The following ZC3H3 variants were observed in gnomAD, a reference collection of about 807,000 sequenced individuals.
ZC3H3 encodes the protein zinc finger CCCH domain-containing protein 3.
In ZC3H3, 36 loss-of-function variants were observed where a neutral mutation model predicts 77.3. The observed-to-expected ratio is 0.47, with a 90% CI of 0.36 to 0.61. The LOEUF (loss-of-function observed/expected upper bound fraction) is 0.61. ZC3H3 is among the 20% of genes least tolerant of loss of function. The probability of loss-of-function intolerance (pLI) is 0.00; values close to 1 mark genes in which losing one functional copy is unlikely to be tolerated. For missense variants in ZC3H3, 1,331 were observed against 1,312.2 expected (o/e 1.01, Z -0.22); for synonymous variants, 626 against 555.2 (o/e 1.13, Z -1.79).
At position 143,533,020 on chromosome 8, in the gene ZC3H3, TC is replaced by T. The variant is rs910403100; in HGVS notation, c.1561+3236del. Among the ~76,000 whole-genome samples the T allele has an allele frequency of 6.6e-6, 1 of 152,094 alleles. No homozygotes were observed. The highest frequency in any genetic ancestry group is 2.4e-5 in the African/African-American group (1 of 41,406). On this transcript the variant is annotated intron_variant, in intron 3 of 11. Coordinates refer to ENST00000262577, the MANE Select transcript of ZC3H3 (RefSeq NM_015117.3). The surrounding 1 kb of genome is among the most constrained non-coding windows in gnomAD (Gnocchi z 4.0). ...GCTCCTTGGCCTGGCGTCAGTGGCC[TC>T]ACGCACAGGTCCTCCCGACTCTGCC...
intron 4 of ZC3H3, among the ~76,000 whole-genome samples, chr8:143,483,058 G>A (rs549654604): frequency 1.1e-4 from 17 of 152,334 alleles, no homozygotes; most frequent in South Asian, 8.3e-4. Context: ...GAAAACAACC[G>A]GAGAAGCATT....
chr8:143,489,170 C>A (rs1296493951), intron 4 of ZC3H3, among the ~76,000 whole-genome samples: 1 of 152,246 alleles, frequency 6.6e-6, no homozygotes, highest in Non-Finnish European at 1.5e-5. Context: ...TCATTGCCTG[C>A]AGGGAGCCTT....
At chr8:143,439,106 T>TAA (rs568475106) in intron 11 of ZC3H3, among the ~76,000 whole-genome samples, 9 of 142,248 alleles carry the variant, frequency 6.3e-5, no homozygotes, top group African/African-American at 2.1e-4. Flanking sequence ...TTCCTGATCT[T>TAA]AAAAAAAAAA....
chr8:143,528,328 G>A (rs1052629856), intron 3 of ZC3H3, among the ~76,000 whole-genome samples: 11 of 152,214 alleles, frequency 7.2e-5, no homozygotes, highest in South Asian at 2.1e-4. Context: ...CGGCACTGCC[G>A]AGGCGCTGTG....
rs962142081 is a variant in ZC3H3, at chr8:143,530,342, T to C, written c.1561+5915A>G. Among the ~76,000 whole-genome samples, 2 of 152,138 alleles carry C rather than the reference T, an allele frequency of 1.3e-5. No individual in the cohort carries two copies. Among genetic ancestry groups the C allele is most frequent in the African/African-American group, 4.8e-5 (2 of 41,434 alleles). ...GGGGGAAGGGGGCAGGCCACCGGCATGCATCCACCATCCTGGGTGGGTGAA... is the reference window on the plus strand; with the variant it reads ...GGGGGAAGGGGGCAGGCCACCGGCACGCATCCACCATCCTGGGTGGGTGAA... On this transcript the variant is annotated intron_variant, in intron 3 of 11. Transcript: ENST00000262577. This position sits in a 1 kb window ranked among gnomAD's most constrained non-coding sequence, Gnocchi z 4.3.
chr8:143,485,250 TAAG>T (rs1373765417), intron 4 of ZC3H3, among the ~76,000 whole-genome samples: 1 of 152,172 alleles, frequency 6.6e-6, no homozygotes, highest in Non-Finnish European at 1.5e-5. Flanking sequence ...GCTGAAATCC[TAAG>T]AAGAAGAAAA....
At chr8:143,439,763 G>C (rs772655462) in intron 11 of ZC3H3, among the ~76,000 whole-genome samples, 1 of 152,242 alleles carries the variant, frequency 6.6e-6, no homozygotes. Context: ...AGATTCTGAC[G>C]TGGTGGTCTG....
chr8:143,490,717 C>A (rs924449461), intron 4 of ZC3H3, among the ~76,000 whole-genome samples: 2 of 152,196 alleles, frequency 1.3e-5, no homozygotes, highest in Non-Finnish European at 2.9e-5. Flanking sequence ...GAGTTTGAAA[C>A]CAGCCTGGCC....
intron 3 of ZC3H3, among the ~76,000 whole-genome samples, chr8:143,515,542 G>A (rs1036792355): frequency 8.5e-5 from 13 of 152,244 alleles, no homozygotes; most frequent in African/African-American, 3.1e-4. Context: ...CCCCTCCACT[G>A]TTTGGAGGGA....
At chr8:143,482,734 G>T (rs1048110315) in intron 4 of ZC3H3, among the ~76,000 whole-genome samples, 1 of 152,214 alleles carries the variant, frequency 6.6e-6, no homozygotes. Flanking sequence ...GCCTGTCCCT[G>T]TCTCCCCAGG....
intron 3 of ZC3H3, among the ~76,000 whole-genome samples, chr8:143,529,872 C>T (rs1020573598): frequency 1.3e-5 from 2 of 152,216 alleles, no homozygotes; most frequent in Admixed American, 1.3e-4. Flanking sequence ...GGCATCCAGG[C>T]CCCAAAAGAG....
chr8:143,516,535 A>T (rs1365035963), intron 3 of ZC3H3, among the ~76,000 whole-genome samples: 2 of 123,310 alleles, frequency 1.6e-5, no homozygotes, highest in African/African-American at 6.5e-5. Context: ...TCACACACAC[A>T]CACACACACA....
intron 4 of ZC3H3, among the ~76,000 whole-genome samples, chr8:143,488,963 C>T (rs927458368): frequency 2.6e-5 from 4 of 152,248 alleles, no homozygotes; most frequent in African/African-American, 4.8e-5. Context: ...CATGTTTCTG[C>T]CCGTGGCTGC....
chr8:143,494,857 C>A lies in ZC3H3; in HGVS notation c.1715+12889G>T. 6.6e-6 allele frequency among the ~76,000 whole-genome samples: 1 copy of A among 152,210 alleles called. No individual in the cohort carries two copies. Among genetic ancestry groups the A allele is most frequent in the East Asian group, 1.9e-4 (1 of 5,194 alleles). On this transcript the variant is annotated intron_variant, in intron 4 of 11. Coordinates refer to ENST00000262577, the MANE Select transcript of ZC3H3 (RefSeq NM_015117.3). The surrounding 1 kb of genome is among the most constrained non-coding windows in gnomAD (Gnocchi z 5.3). ...AAACGGCCTGAGCAGACCTTTCACACGGGAAGACCACCAGTGGCCTTACGT... is the reference window on the plus strand; with the variant it reads ...AAACGGCCTGAGCAGACCTTTCACAAGGGAAGACCACCAGTGGCCTTACGT...
At position 143,498,136 on chromosome 8, in the gene ZC3H3, C is replaced by T. The variant is rs368004572; in HGVS notation, c.1715+9610G>A. The stretch of plus-strand genomic sequence containing the variant: ...GGGGCCCGGGGCAGGGGCTGTGTCA[C>T]GCAGCCTGCTACAGCCACCTGCCTG... On this transcript the variant is annotated intron_variant, in intron 4 of 11. Transcript: ENST00000262577. Among the ~76,000 whole-genome samples, 63 of 152,312 alleles carry T rather than the reference C, an allele frequency of 4.1e-4. No individual in the cohort carries two copies. In the East Asian group the frequency reaches 6.9e-3, roughly 17 times the overall value.
chr8:143,485,277 T>C (rs1821022179), intron 4 of ZC3H3, among the ~76,000 whole-genome samples: 1 of 152,170 alleles, frequency 6.6e-6, no homozygotes, highest in African/African-American at 2.4e-5. Context: ...AAATCTATGA[T>C]TTGGAGGCTG....
intron 3 of ZC3H3, among the ~76,000 whole-genome samples, chr8:143,510,076 G>A (rs968764730): frequency 2.6e-5 from 4 of 152,194 alleles, no homozygotes; most frequent in African/African-American, 7.2e-5. Context: ...ACACTCCTGC[G>A]CAGTGCTGGC....
At chr8:143,513,221 A>G (rs993168739) in intron 3 of ZC3H3, among the ~76,000 whole-genome samples, 1 of 152,294 alleles carries the variant, frequency 6.6e-6, no homozygotes, top group Non-Finnish European at 1.5e-5. Context: ...TGCCAAGCGC[A>G]GGCCCCACCT....
chr8:143,526,464 A>G (rs4242487), intron 3 of ZC3H3, among the ~76,000 whole-genome samples: 59,675 of 152,138 alleles, frequency 0.39, 11,978 homozygotes, highest in East Asian at 0.56. Flanking sequence ...CCTTCCCATC[A>G]GGACCCCGCC....
Sources: allele counts gnomAD v4.1 joint callset (sites outside exome capture counted in the v4.1 genomes callset), GRCh38; gene constraint gnomAD v4.1.1; non-coding constraint Gnocchi (gnomAD v3.1); transcripts MANE v1.5; gene names NCBI Gene and HGNC (gene_info 2026-07-23, HGNC 2026-07-21).